Variants in GABBR2 observed in about 807,000 individuals in gnomAD.
GABBR2 encodes the protein gamma-aminobutyric acid type B receptor subunit 2, also known as G-protein coupled receptor 51.
A neutral mutation model predicts 105.6 loss-of-function variants in GABBR2; 23 were observed. The ratio of observed to expected loss-of-function variants is 0.22; its 90% CI spans 0.16 to 0.31. The LOEUF is 0.31. GABBR2 is among the 10% of genes least tolerant of loss of function. GABBR2 has a pLI of 1.00. For synonymous variants in GABBR2, 478 were observed against 499.7 expected, an observed-to-expected ratio of 0.96 and a Z score of 0.58; for missense variants, 734 against 1,245.5, an observed-to-expected ratio of 0.59 and a Z score of 6.18.
chr9:98,301,291 C>G (rs1020257553), intron 16 of GABBR2, among the ~76,000 whole-genome samples: 22 of 152,310 alleles, frequency 1.4e-4, no homozygotes, highest in Admixed American at 4.6e-4. Flanking sequence ...GAAGCTATCT[C>G]TAGATATGTA....
chr9:98,643,183 G>A (rs938115531), intron 1 of GABBR2, among the ~76,000 whole-genome samples: 1 of 152,234 alleles, frequency 6.6e-6, no homozygotes, highest in African/African-American at 2.4e-5. Context: ...GGGAGAGGGA[G>A]CTGAGATATT....
At chr9:98,585,408 A>G (rs552754310) in intron 1 of GABBR2, among the ~76,000 whole-genome samples, 182 of 147,784 alleles carry the variant, frequency 1.2e-3, no homozygotes, top group Non-Finnish European at 2.2e-3. Context: ...ACCAAACACC[A>G]CATGTTCTCA....
intron 3 of GABBR2, among the ~76,000 whole-genome samples, chr9:98,539,913 TAAAAAAAAAAA>T (rs746934812): frequency 4.2e-4 from 44 of 103,708 alleles, no homozygotes; most frequent in Admixed American, 2.1e-3. Flanking sequence ...AGACTTCGTC[TAAAAAAAAAAA>T]AAAAAAAAGA....
At chr9:98,583,218 A>T (rs1829027349) in intron 1 of GABBR2, among the ~76,000 whole-genome samples, 1 of 152,180 alleles carries the variant, frequency 6.6e-6, no homozygotes, top group Non-Finnish European at 1.5e-5. Flanking sequence ...TATCTGTCCC[A>T]TTTTCGATGC....
intron 2 of GABBR2, among the ~76,000 whole-genome samples, chr9:98,567,420 G>A (rs906027316): frequency 6.6e-6 from 1 of 151,988 alleles, no homozygotes; most frequent in Non-Finnish European, 1.5e-5. Flanking sequence ...GAGTGTGTGT[G>A]CCCTCTAACA....
rs139016724 is a variant in GABBR2 at position 98,400,902 on chromosome 9, G to A, written c.1297+5179C>T. 7.4e-3 allele frequency among the ~76,000 whole-genome samples: 1,077 copies of A among 145,772 alleles called. 14 individuals are homozygous for A. The highest frequency in any genetic ancestry group is 0.028 in the African/African-American group (1,031 of 36,960). On this transcript the variant is annotated intron_variant, in intron 8 of 18. Transcript: ENST00000259455. ...GGAGTGGGATATGGGAATAAAGGAG[G>A]GAAATAAGGGGGATAAATGGACACA... is the stretch of plus-strand genomic sequence containing the variant.
At chr9:98,332,790 C>T (rs905865742) in intron 13 of GABBR2, among the ~76,000 whole-genome samples, 13 of 152,244 alleles carry the variant, frequency 8.5e-5, no homozygotes, top group African/African-American at 3.1e-4. Context: ...GGAAAATCCT[C>T]CACGCCCATT....
rs987672468 is a variant in GABBR2 at position 98,394,155 on chromosome 9, G to C, written c.1378+20C>G. On this transcript the variant is annotated intron_variant, in intron 9 of 18. Coordinates refer to ENST00000259455, the MANE Select transcript of GABBR2 (RefSeq NM_005458.8). Reference sequence around the variant, plus strand: ...AGCAACTGGGCAGGCCCCCTCCTCTGAGAAGCCCACCTGCCTTACCTTGGA... The same window carrying C: ...AGCAACTGGGCAGGCCCCCTCCTCTCAGAAGCCCACCTGCCTTACCTTGGA... The C allele has an allele frequency of 6.3e-7, 1 of 1,588,936 alleles. No individual in the cohort carries two copies. Among genetic ancestry groups the C allele is most frequent in the Non-Finnish European group, 8.6e-7 (1 of 1,157,578 alleles).
intron 4 of GABBR2, among the ~76,000 whole-genome samples, chr9:98,484,748 G>C (rs1827007170): frequency 6.6e-6 from 1 of 152,212 alleles, no homozygotes; most frequent in African/African-American, 2.4e-5. Flanking sequence ...AGGGGTTAGG[G>C]GAAAGGTTTT....
rs1554723457 is a variant in GABBR2 at position 98,648,080 on chromosome 9, G to GGTGTGTGTGTGT, written c.321+60325_321+60336dup. Among the ~76,000 whole-genome samples, 21 of 68,012 alleles carry GGTGTGTGTGTGT rather than the reference G, an allele frequency of 3.1e-4. 1 individual carries two copies. Among genetic ancestry groups the GGTGTGTGTGTGT allele is most frequent in the South Asian group, 6.0e-4 (1 of 1,658 alleles). 44.6% of individuals were successfully genotyped at this position (68,012 alleles called of 152,430 possible). ...CCCCTTTCTATCATTAATCATACAG[G>GGTGTGTGTGTGT]GTGTGTGTGTGTGTGTGTGTGTGTG... On this transcript the variant is annotated intron_variant, in intron 1 of 18. Transcript: ENST00000259455.
intron 11 of GABBR2, among the ~76,000 whole-genome samples, chr9:98,376,833 G>T (rs989575081): frequency 6.6e-6 from 1 of 152,168 alleles, no homozygotes; most frequent in African/African-American, 2.4e-5. Context: ...GAGTACTTTG[G>T]AACCCGAGTC....
At chr9:98,543,481 C>T (rs887291935) in intron 2 of GABBR2, among the ~76,000 whole-genome samples, 5 of 152,066 alleles carry the variant, frequency 3.3e-5, no homozygotes, top group Non-Finnish European at 5.9e-5. Context: ...CCCCACCTGC[C>T]TTAGTCTCCG....
chr9:98,568,303 T>TGGG (rs11409053), intron 2 of GABBR2, among the ~76,000 whole-genome samples: 9 of 151,994 alleles, frequency 5.9e-5, no homozygotes, highest in Middle Eastern at 3.4e-3. Context: ...CACAGTCAAA[T>TGGG]GGGGGGGCAG....
chr9:98,702,400 T>A, intron 1 of GABBR2, among the ~76,000 whole-genome samples: 1 of 151,898 alleles, frequency 6.6e-6, no homozygotes, highest in Non-Finnish European at 1.5e-5. Flanking sequence ...CCATCACCGC[T>A]CCCTTCAACT....
At chr9:98,645,186 T>C (rs906766912) in intron 1 of GABBR2, among the ~76,000 whole-genome samples, 2 of 152,222 alleles carry the variant, frequency 1.3e-5, no homozygotes, top group African/African-American at 4.8e-5. Context: ...GTGAGTGTTC[T>C]GCCTCACCAG....
chr9:98,522,375 T>G (rs1203670675), intron 3 of GABBR2, among the ~76,000 whole-genome samples: 1 of 152,124 alleles, frequency 6.6e-6, no homozygotes, highest in Non-Finnish European at 1.5e-5. Flanking sequence ...ACCAGATTCT[T>G]CGAATAAAAA....
intron 13 of GABBR2, among the ~76,000 whole-genome samples, chr9:98,318,866 T>G (rs907955919): frequency 1.1e-4 from 16 of 151,290 alleles, no homozygotes; most frequent in Non-Finnish European, 2.4e-4. Context: ...TGGGGGTGAG[T>G]GTAGGTGTGC....
intron 13 of GABBR2, among the ~76,000 whole-genome samples, chr9:98,351,708 C>T (rs1831402161): frequency 6.6e-6 from 1 of 152,182 alleles, no homozygotes. Context: ...ATTTCACATT[C>T]AGATCTCAAA....
chr9:98,359,077 A>G (rs1831537171), intron 13 of GABBR2, among the ~76,000 whole-genome samples: 1 of 152,164 alleles, frequency 6.6e-6, no homozygotes, highest in Non-Finnish European at 1.5e-5. Context: ...ATGAGTTCAT[A>G]TTTGTAAAGC....
Sources: allele counts gnomAD v4.1 joint callset (sites outside exome capture counted in the v4.1 genomes callset), GRCh38; gene constraint gnomAD v4.1.1; transcripts MANE v1.5; gene names NCBI Gene and HGNC (gene_info 2026-07-23, HGNC 2026-07-21).